The following RNF213 variants were observed in gnomAD, a reference collection of about 807,000 sequenced individuals.
RNF213 encodes the protein ring finger protein 213.
In RNF213, 341 loss-of-function variants were observed where a neutral mutation model predicts 514.4. That is an observed-to-expected ratio of 0.66 (90% CI 0.61 to 0.73). The LOEUF is 0.73. Ranked by LOEUF, RNF213 falls within the 30% of genes least tolerant of loss-of-function variation. RNF213 has a pLI of 0.00. For missense variants in RNF213, 5,767 were observed against 6,615.6 expected, an observed-to-expected ratio of 0.87 and a Z score of 4.45; for synonymous variants, 2,655 against 2,658.2, an observed-to-expected ratio of 1.00 and a Z score of 0.04.
chr17:80,351,563 G>A, intron 31 of RNF213, 122 bp from the exon 32 acceptor site: 9 of 655,496 alleles, frequency 1.4e-5, no homozygotes, highest in Non-Finnish European at 1.9e-5. Context: ...GTGGCCGTGA[G>A]ACCGAACCAA....
intron 17 of RNF213, among the ~76,000 whole-genome samples, chr17:80,323,386 T>G (rs1454577250): frequency 6.6e-6 from 1 of 152,214 alleles, no homozygotes; most frequent in Non-Finnish European, 1.5e-5. Flanking sequence ...TGCAATTTCA[T>G]AAGAATTTTA....
Position 80,358,297 on chromosome 17 carries a change from C to G in RNF213, c.10872C>G (p.Leu3624=). 1 of 1,614,022 alleles carries G rather than the reference C, an allele frequency of 6.2e-7. No homozygotes were observed. Among genetic ancestry groups the G allele is most frequent in the Non-Finnish European group, 8.5e-7 (1 of 1,179,942 alleles). Residue 3624 remains leucine (L), a synonymous_variant, in exon 37 of 68, where the codon CTC becomes CTG. Coordinates refer to ENST00000582970, the MANE Select transcript of RNF213 (RefSeq NM_001256071.3). The part of the protein sequence containing the change: ...LQEAGTFRHT[L]WKRVQGAVTP... ...CTCTTCTGTGCTGCAGGCACACCCT[C>G]TGGAAGCGGGTCCAAGGTGCTGTCA... is the stretch of plus-strand genomic sequence containing the variant.
At chr17:80,312,138 A>G (rs1287628640) in intron 14 of RNF213, among the ~76,000 whole-genome samples, 1 of 152,072 alleles carries the variant, frequency 6.6e-6, no homozygotes, top group Non-Finnish European at 1.5e-5. Flanking sequence ...AAAAAAAAGA[A>G]AAAAAAGAAA....
intron 18 of RNF213, among the ~76,000 whole-genome samples, chr17:80,327,237 C>T (rs570983145): frequency 4.6e-5 from 7 of 152,270 alleles, no homozygotes; most frequent in South Asian, 4.1e-4. Flanking sequence ...GTGGTTCATG[C>T]GTATAATCCT....
chr17:80,340,017 C>T lies in RNF213; in HGVS notation c.5650C>T (p.Leu1884=). Residue 1884 remains leucine (L), a synonymous_variant, in exon 26 of 68, where the codon CTG becomes TTG. Transcript: ENST00000582970. ...VALLLRRCLT[L]GSLGHKVYSL... Reference sequence around the variant, plus strand: ...ACTGTTGCTGCGCCGCTGCCTGACCCTGGGCTCCCTGGGGCACAAGGTCTA... The same window carrying T: ...ACTGTTGCTGCGCCGCTGCCTGACCTTGGGCTCCCTGGGGCACAAGGTCTA... The T allele has an allele frequency of 6.5e-7, 1 of 1,542,172 alleles. No individual in the cohort carries two copies. Among genetic ancestry groups the T allele is most frequent in the East Asian group, 2.4e-5 (1 of 40,998 alleles).
intron 15 of RNF213, among the ~76,000 whole-genome samples, chr17:80,313,636 T>A (rs922497309): frequency 3.5e-4 from 47 of 133,282 alleles, no homozygotes; most frequent in East Asian, 2.0e-4. Flanking sequence ...GAGGTGATGG[T>A]GGTGATGGTG....
intron 3 of RNF213, among the ~76,000 whole-genome samples, chr17:80,284,116 T>C (rs1001456249): frequency 5.9e-5 from 9 of 151,784 alleles, no homozygotes; most frequent in African/African-American, 1.9e-4. Flanking sequence ...TCCCAGCACT[T>C]TGGGAGGCCG....
chr17:80,302,729 G>A, intron 11 of RNF213, among the ~76,000 whole-genome samples: 1 of 152,124 alleles, frequency 6.6e-6, no homozygotes, highest in East Asian at 1.9e-4. Context: ...GCATGGTGGG[G>A]TGTACCTGCA....
rs529081840 is a variant in RNF213 at position 80,277,433 on chromosome 17, A to G, written c.261+4029A>G. 3.9e-5 allele frequency among the ~76,000 whole-genome samples: 6 copies of G among 152,128 alleles called. No individual in the cohort carries two copies. In the South Asian group the frequency reaches 1.0e-3, roughly 26 times the overall value. ...ACCAACATGGGGAAACCCCGTCTCT[A>G]CTAAAAATACAAAAAGTAGCCGGGT... On this transcript the variant is annotated intron_variant, in intron 3 of 67. Coordinates refer to ENST00000582970, the MANE Select transcript of RNF213 (RefSeq NM_001256071.3).
intron 42 of RNF213, among the ~76,000 whole-genome samples, chr17:80,366,463 T>C (rs2079278102): frequency 6.6e-6 from 1 of 152,238 alleles, no homozygotes; most frequent in Non-Finnish European, 1.5e-5. Flanking sequence ...TTGTGGTTTT[T>C]ATTTGCATTT....
At chr17:80,339,083 A>ATTAAAAAACC in intron 25 of RNF213, 118 bp from the exon 26 acceptor site, 1 of 758,068 alleles carries the variant, frequency 1.3e-6, no homozygotes, top group South Asian at 2.1e-5. Context: ...AGCGCAGATC[A>ATTAAAAAACC]TGCAGTGGGC....
Position 80,373,177 on chromosome 17 carries a change from G to C in RNF213, c.12942+12G>C. On this transcript the variant is annotated intron_variant, in intron 49 of 67. Coordinates refer to ENST00000582970, the MANE Select transcript of RNF213 (RefSeq NM_001256071.3). The stretch of plus-strand genomic sequence containing the variant: ...TTGTCAAGCAGCAGGTGAGAAGCGG[G>C]GCCGGGCAGCACACAAACATGCACC... 6.2e-7 allele frequency: 1 copy of C among 1,603,840 alleles called. No homozygotes were observed. The highest frequency in any genetic ancestry group is 8.5e-7 in the Non-Finnish European group (1 of 1,179,642).
chr17:80,306,131 A>C, intron 11 of RNF213, 121 bp from the exon 12 acceptor site: 6 of 966,504 alleles, frequency 6.2e-6, no homozygotes, highest in Non-Finnish European at 9.9e-6. Flanking sequence ...CCTGCCCTCA[A>C]GTAGTATTTA....
In RNF213 at chr17:80,363,111, A is replaced by G; in HGVS notation, c.11365A>G (p.Met3789Val). The change falls in exon 40 of 68, where the codon ATG (methionine) becomes GTG (valine). Residue 3789 changes from methionine (M) to valine (V), a missense_variant. Transcript: ENST00000582970. ...STEEELKFLQ[M>V]ALWSCTRKLK... is the part of the protein sequence containing the mutation. The stretch of plus-strand genomic sequence containing the variant: ...CTTTTTTGAATCCCAGTTTCTGCAG[A>G]TGGCTCTGTGGTCCTGCACTAGGAA... 2 of 1,614,158 alleles carry G rather than the reference A, an allele frequency of 1.2e-6. No individual in the cohort carries two copies. Among genetic ancestry groups the G allele is most frequent in the Non-Finnish European group, 1.7e-6 (2 of 1,179,986 alleles).
chr17:80,345,780 C>T lies in RNF213; in HGVS notation c.7445C>T (p.Thr2482Ile). The T allele has an allele frequency of 3.7e-6, 6 of 1,614,150 alleles. No homozygotes were observed. Among genetic ancestry groups the T allele is most frequent in the Non-Finnish European group, 5.1e-6 (6 of 1,180,030 alleles). Reference protein sequence around the residue: ...FANKDQHQLDTILFFDEANTT... With the variant: ...FANKDQHQLDIILFFDEANTT... Reference sequence around the variant, plus strand: ...AATAAGGACCAACATCAGTTGGACACCATCTTGTTTTTTGATGAAGCCAAC... The same window carrying T: ...AATAAGGACCAACATCAGTTGGACATCATCTTGTTTTTTGATGAAGCCAAC... Residue 2482 changes from threonine to isoleucine, a missense_variant, in exon 29 of 68, where the codon ACC becomes ATC. This residue lies in a region of RNF213 where 1,377 missense variants were observed against 1,635.2 expected (regional missense o/e 0.84). Transcript: ENST00000582970. This position sits in a 1 kb window ranked among gnomAD's most constrained non-coding sequence, Gnocchi z 6.0.
At position 80,337,742 on chromosome 17, in the gene RNF213, C is replaced by T. The variant is rs1377215812; in HGVS notation, c.4668+16C>T. On this transcript the variant is annotated intron_variant, in intron 24 of 67. Coordinates refer to ENST00000582970, the MANE Select transcript of RNF213 (RefSeq NM_001256071.3). ...TGGCCAAAAGGTGAGCGGTCCCCAG[C>T]CCTCGGCGCAGCTGCGGCCCTTCTG... 3.9e-6 allele frequency: 6 copies of T among 1,537,172 alleles called. No individual in the cohort carries two copies. The Admixed American group carries it at 1.2e-4, about 30-fold the overall frequency.
intron 55 of RNF213, 162 bp downstream of exon 55, chr17:80,379,876 A>C: frequency 1.5e-6 from 1 of 684,086 alleles, no homozygotes; most frequent in Non-Finnish European, 2.7e-6. Flanking sequence ...GCAGTCACAC[A>C]GCAGGGAGGC....
intron 7 of RNF213, 74 bp downstream of exon 7, chr17:80,290,802 A>T (rs2044694839): frequency 1.4e-5 from 22 of 1,572,770 alleles, no homozygotes; most frequent in Non-Finnish European, 1.9e-5. Context: ...CACGTAGTTT[A>T]AAAAAATTTT....
At chr17:80,357,204 C>T (rs371905368) in intron 36 of RNF213, among the ~76,000 whole-genome samples, 2 of 152,132 alleles carry the variant, frequency 1.3e-5, no homozygotes, top group South Asian at 2.1e-4. Flanking sequence ...CGTGAGCCAC[C>T]GTGCCCAGCC....
Sources: allele counts gnomAD v4.1 joint callset (sites outside exome capture counted in the v4.1 genomes callset), GRCh38; gene constraint gnomAD v4.1.1; regional missense constraint gnomAD v4.1.1; non-coding constraint Gnocchi (gnomAD v3.1); transcripts MANE v1.5; gene names NCBI Gene and HGNC (gene_info 2026-07-23, HGNC 2026-07-21).